RFPL1: variants seen among roughly 807,000 people sequenced by gnomAD.
RFPL1 encodes ret finger protein-like 1.
Under a neutral mutation model 9.6 loss-of-function variants are expected in RFPL1, and 6 were observed. The observed-to-expected ratio is 0.62, with a 90% CI of 0.34 to 1.23. The LOEUF (loss-of-function observed/expected upper bound fraction) is 1.23, where lower values mean the gene tolerates loss of function less well. Among genes scored for constraint, RFPL1 ranks in the 50% most tolerant of loss-of-function variants. The probability of loss-of-function intolerance (pLI) is 0.03; values close to 1 mark genes in which losing one functional copy is unlikely to be tolerated. For synonymous variants in RFPL1, 145 were observed against 149.4 expected (o/e 0.97, Z 0.22); for missense variants, 352 against 398.4 (o/e 0.88, Z 0.99).
At chr22:29,390,295 G>A in the RFPL1 span, among the ~76,000 whole-genome samples, 1 of 152,224 alleles carries the variant, frequency 6.6e-6, no homozygotes, top group Admixed American at 6.5e-5. Flanking sequence ...TTACTGCTAA[G>A]TGCACTTATT....
chr22:29,410,493 ATATC>A, the RFPL1 span, among the ~76,000 whole-genome samples: 1 of 106,992 alleles, frequency 9.3e-6, no homozygotes, highest in African/African-American at 3.8e-5. Flanking sequence ...TTGTAGATAT[ATATC>A]TATATATAGA....
At chr22:29,439,615 C>CA (rs2062828279) in intron 1 of RFPL1, 2 of 155,258 alleles carry the variant, frequency 1.3e-5, no homozygotes, top group Admixed American at 6.1e-5. Context: ...GCCTGGGTGA[C>CA]AGAGTGAGAC....
chr22:29,419,154 C>A, the RFPL1 span: 2 of 1,609,998 alleles, frequency 1.2e-6, no homozygotes, highest in East Asian at 4.5e-5. Context: ...CTCCTACACA[C>A]CTGACATCTT....
the RFPL1 span, among the ~76,000 whole-genome samples, chr22:29,390,406 T>A: frequency 1.3e-5 from 2 of 152,096 alleles, no homozygotes; most frequent in African/African-American, 4.8e-5. Context: ...AAGTTATTTT[T>A]AAATAATTAT....
the RFPL1 span, among the ~76,000 whole-genome samples, chr22:29,424,537 T>C: frequency 1.3e-5 from 2 of 152,024 alleles, no homozygotes; most frequent in East Asian, 3.9e-4. Flanking sequence ...TGTAAGTGGC[T>C]GGGCTGGGAG....
chr22:29,439,312 C>T (rs1363457287), intron 1 of RFPL1, 148 bp downstream of exon 1: 27 of 1,203,362 alleles, frequency 2.2e-5, no homozygotes, highest in South Asian at 1.5e-5. Context: ...TCAGCCCTGA[C>T]AACATACAGA....
At chr22:29,406,235 C>T in the RFPL1 span, among the ~76,000 whole-genome samples, 1 of 147,722 alleles carries the variant, frequency 6.8e-6, no homozygotes, top group African/African-American at 2.5e-5. Flanking sequence ...CCTCCCCTGC[C>T]CGGGAGCCAT....
chr22:29,392,042 A>G, the RFPL1 span, among the ~76,000 whole-genome samples: 8 of 152,202 alleles, frequency 5.3e-5, no homozygotes, highest in Non-Finnish European at 8.8e-5. Flanking sequence ...TGGAGGGACC[A>G]GGGATGCCTG....
chr22:29,431,690 C>CT, the RFPL1 span, among the ~76,000 whole-genome samples: 25,191 of 145,014 alleles, frequency 0.17, 3,610 homozygotes, highest in East Asian at 0.38. Flanking sequence ...TTTAAAAGTT[C>CT]TTTTTTTTTT....
chr22:29,410,389 TATATTGTAG>T, the RFPL1 span, among the ~76,000 whole-genome samples: 1 of 86,790 alleles, frequency 1.2e-5, no homozygotes, highest in African/African-American at 5.1e-5. Flanking sequence ...TATAGATATA[TATATTGTAG>T]ATATATATCT....
chr22:29,422,932 G>A, the RFPL1 span, among the ~76,000 whole-genome samples: 1 of 152,124 alleles, frequency 6.6e-6, no homozygotes, highest in African/African-American at 2.4e-5. Context: ...CCCTTTCTGA[G>A]CTCTAAAAGG....
chr22:29,437,135 G>C (rs2062812277), upstream of RFPL1: 7 of 157,316 alleles, frequency 4.4e-5, no homozygotes, highest in Admixed American at 3.8e-4. Context: ...AAGCTTAATG[G>C]TCATTTGTCA....
chr22:29,411,510 T>C, the RFPL1 span, among the ~76,000 whole-genome samples: 2 of 135,134 alleles, frequency 1.5e-5, no homozygotes, highest in African/African-American at 6.3e-5. Flanking sequence ...TCATGCATTT[T>C]ATCTTCTTCA....
chr22:29,424,389 G>T, the RFPL1 span, among the ~76,000 whole-genome samples: 1 of 152,076 alleles, frequency 6.6e-6, no homozygotes, highest in Non-Finnish European at 1.5e-5. Context: ...CATTTACCGA[G>T]CCCCTATTAA....
At chr22:29,431,893 C>G in the RFPL1 span, among the ~76,000 whole-genome samples, 2 of 152,006 alleles carry the variant, frequency 1.3e-5, no homozygotes, top group Non-Finnish European at 2.9e-5. Context: ...GGGGTTTCAC[C>G]ATGTTGGTCA....
At chr22:29,441,598 C>T (rs1330089990) in exon 2 of RFPL1, 1 of 1,613,758 alleles carries the variant, frequency 6.2e-7, no homozygotes, top group African/African-American at 1.3e-5. Flanking sequence ...TTCTGACGAC[C>T]TCAGGAGCGT....
At chr22:29,411,593 AAATTCAGAC>A in the RFPL1 span, among the ~76,000 whole-genome samples, 1 of 151,642 alleles carries the variant, frequency 6.6e-6, no homozygotes, top group Non-Finnish European at 1.5e-5. Flanking sequence ...TTTTACCTTA[AAATTCAGAC>A]TTGTGTAGAT....
At chr22:29,424,560 C>CT in the RFPL1 span, among the ~76,000 whole-genome samples, 58 of 151,108 alleles carry the variant, frequency 3.8e-4, no homozygotes, top group Non-Finnish European at 6.8e-4. Context: ...CATCTCAGGT[C>CT]TACCTGAGCT....
the RFPL1 span, among the ~76,000 whole-genome samples, chr22:29,414,463 C>CT: frequency 1.5e-4 from 22 of 151,546 alleles, 1 homozygote; most frequent in South Asian, 2.1e-3. Context: ...GTATAGATGG[C>CT]TTTTTTTTTC....
Sources: allele counts gnomAD v4.1 joint callset (sites outside exome capture counted in the v4.1 genomes callset), GRCh38; gene constraint gnomAD v4.1.1; transcripts MANE v1.5; gene names NCBI Gene and HGNC (gene_info 2026-07-23, HGNC 2026-07-21).